The following CD109 variants were observed in gnomAD, a reference collection of about 807,000 sequenced individuals.
CD109 encodes the protein CD109 antigen.
A neutral mutation model predicts 165.8 loss-of-function variants in CD109; 149 were observed. The ratio of observed to expected loss-of-function variants is 0.90; its 90% confidence interval spans 0.79 to 1.03. CD109 has a LOEUF of 1.03. CD109 is among the 50% of genes least tolerant of loss of function. The pLI, the probability that CD109 is intolerant of heterozygous loss-of-function variation, is 0.00. For synonymous variants in CD109, 585 were observed against 592.1 expected, an observed-to-expected ratio of 0.99 and a Z score of 0.18; for missense variants, 1,712 against 1,677.8, an observed-to-expected ratio of 1.02 and a Z score of -0.36.
intron 2 of CD109, among the ~76,000 whole-genome samples, chr6:73,712,102 G>A (rs1366305744): frequency 3.3e-5 from 5 of 152,152 alleles, no homozygotes; most frequent in Admixed American, 2.0e-4. Flanking sequence ...CCCAGCTACT[G>A]GGGGGCTGAG....
At chr6:73,804,532 G>T (rs1425279039) in intron 24 of CD109, among the ~76,000 whole-genome samples, 1 of 152,132 alleles carries the variant, frequency 6.6e-6, no homozygotes, top group Non-Finnish European at 1.5e-5. Context: ...CCCGCTCTTA[G>T]GTGGTGGTGT....
chr6:73,760,301 G>C (rs1300055760), intron 7 of CD109, among the ~76,000 whole-genome samples: 1 of 151,412 alleles, frequency 6.6e-6, no homozygotes, highest in Non-Finnish European at 1.5e-5. Flanking sequence ...CAGCTACTCG[G>C]GAGGCTGAGG....
chr6:73,811,310 T>C (rs995824257), intron 28 of CD109, among the ~76,000 whole-genome samples, 163 bp downstream of exon 28: 2 of 152,102 alleles, frequency 1.3e-5, no homozygotes, highest in Non-Finnish European at 2.9e-5. Flanking sequence ...TGCTGAGCTC[T>C]GGAAGGGTGG....
At chr6:73,763,736 A>G (rs752298380) in intron 10 of CD109, 51 bp downstream of exon 10, 9 of 879,618 alleles carry the variant, frequency 1.0e-5, no homozygotes. Context: ...CAGCTTAATG[A>G]AATAGAATGG....
chr6:73,752,790 C>CT (rs898979423), intron 5 of CD109, among the ~76,000 whole-genome samples: 3 of 152,106 alleles, frequency 2.0e-5, no homozygotes, highest in Non-Finnish European at 4.4e-5. Context: ...AGGTTAGGGT[C>CT]TTTTTTCCAG....
chr6:73,788,828 G>A (rs1171354788), intron 22 of CD109, among the ~76,000 whole-genome samples: 1 of 152,226 alleles, frequency 6.6e-6, no homozygotes, highest in East Asian at 1.9e-4. Flanking sequence ...TCACCTGGGA[G>A]TCTTGTTTAA....
chr6:73,707,987 TA>T (rs1771357531), intron 2 of CD109, among the ~76,000 whole-genome samples: 8 of 70,002 alleles, frequency 1.1e-4, no homozygotes, highest in African/African-American at 3.9e-4. Context: ...TATATATATA[TA>T]TATATATATA....
chr6:73,697,015 AAAT>A (rs1431376200), intron 1 of CD109, among the ~76,000 whole-genome samples: 1 of 152,232 alleles, frequency 6.6e-6, no homozygotes, highest in Non-Finnish European at 1.5e-5. Flanking sequence ...AACAACAAGA[AAAT>A]AATCACGCTG....
chr6:73,807,986 A>G, intron 25 of CD109, 97 bp from the exon 26 acceptor site: 1 of 1,054,576 alleles, frequency 9.5e-7, no homozygotes. Context: ...TAGACACTGA[A>G]CTTATTTTTT....
At position 73,709,002 on chromosome 6, in the gene CD109, T is replaced by G. The variant is rs540537825; in HGVS notation, c.247+11430T>G. Reference sequence around the variant, plus strand: ...TTTGCTGTGCAGAAGCTCTTTAGTTTAATTAGATCCCATTTGTCAATTTTG... The same window carrying G: ...TTTGCTGTGCAGAAGCTCTTTAGTTGAATTAGATCCCATTTGTCAATTTTG... On this transcript the variant is annotated intron_variant, in intron 2 of 32. Coordinates refer to ENST00000287097, the MANE Select transcript of CD109 (RefSeq NM_133493.5). Among the ~76,000 whole-genome samples, 8 of 152,356 alleles carry G rather than the reference T, an allele frequency of 5.3e-5. 1 individual carries two copies. The East Asian group carries it at 5.8e-4, about 11-fold the overall frequency.
intron 5 of CD109, among the ~76,000 whole-genome samples, chr6:73,756,439 A>G (rs934347966): frequency 2.6e-5 from 4 of 152,202 alleles, no homozygotes; most frequent in African/African-American, 9.6e-5. Flanking sequence ...TGGCAAGAAA[A>G]ATTCATGAAA....
chr6:73,697,230 T>G (rs533546790), intron 1 of CD109, among the ~76,000 whole-genome samples, 170 bp from the exon 2 acceptor site: 2 of 152,350 alleles, frequency 1.3e-5, no homozygotes, highest in East Asian at 1.9e-4. Flanking sequence ...TATTGTTGTT[T>G]CAGTAGCATT....
intron 20 of CD109, among the ~76,000 whole-genome samples, chr6:73,785,903 G>T (rs1444577670): frequency 6.7e-6 from 1 of 150,336 alleles, no homozygotes; most frequent in Non-Finnish European, 1.5e-5. Flanking sequence ...GGAGTGCAGT[G>T]GCGTGATCTC....
At chr6:73,734,344 GA>G (rs1237504612) in intron 4 of CD109, among the ~76,000 whole-genome samples, 20 of 152,202 alleles carry the variant, frequency 1.3e-4, no homozygotes, top group Non-Finnish European at 2.4e-4. Flanking sequence ...GTAGAATATG[GA>G]CATTCCATTT....
intron 25 of CD109, among the ~76,000 whole-genome samples, chr6:73,807,432 G>C (rs1176793151): frequency 2.0e-5 from 3 of 152,126 alleles, no homozygotes; most frequent in African/African-American, 7.2e-5. Context: ...GATTGCAAAG[G>C]ATTTTTTACT....
At chr6:73,733,009 C>T (rs1772420071) in intron 4 of CD109, among the ~76,000 whole-genome samples, 1 of 152,128 alleles carries the variant, frequency 6.6e-6, no homozygotes. Flanking sequence ...TGTCTCTGTA[C>T]CTGGGAAGTG....
At chr6:73,681,188 A>T in the CD109 span, among the ~76,000 whole-genome samples, 1 of 152,080 alleles carries the variant, frequency 6.6e-6, no homozygotes, top group Non-Finnish European at 1.5e-5. Context: ...CCCCAGTGAT[A>T]TTGAGGTGAA....
chr6:73,709,931 G>T (rs1366771159), intron 2 of CD109, among the ~76,000 whole-genome samples: 1 of 152,134 alleles, frequency 6.6e-6, no homozygotes, highest in East Asian at 1.9e-4. Context: ...AGGTATTGAT[G>T]GGACATATCT....
intron 2 of CD109, among the ~76,000 whole-genome samples, chr6:73,708,323 T>A (rs1771381306): frequency 6.6e-6 from 1 of 152,172 alleles, no homozygotes; most frequent in African/African-American, 2.4e-5. Context: ...ACAAAGGACA[T>A]GAACTCATCA....
Sources: gnomAD v4.1 joint callset for allele counts (sites outside exome capture counted in the v4.1 genomes callset) on GRCh38, gnomAD v4.1.1 for gene constraint, MANE v1.5 for transcripts, NCBI Gene and HGNC (gene_info 2026-07-23, HGNC 2026-07-21) for gene names.